The following GRAMD1C variants were observed in gnomAD, a reference collection of about 807,000 sequenced individuals.
GRAMD1C encodes the protein protein Aster-C.
Under a neutral mutation model 97.8 loss-of-function variants are expected in GRAMD1C, and 89 were observed. The ratio of observed to expected loss-of-function variants is 0.91; its 90% CI spans 0.77 to 1.09. GRAMD1C has a LOEUF of 1.09. GRAMD1C is among the 50% of genes least tolerant of loss of function. GRAMD1C has a pLI of 0.00. For missense variants in GRAMD1C, 740 were observed against 766.4 expected (o/e 0.97, Z 0.41); for synonymous variants, 256 against 267.0 (o/e 0.96, Z 0.40).
chr3:113,873,466 A>T (rs921554033), intron 3 of GRAMD1C, among the ~76,000 whole-genome samples: 3 of 152,176 alleles, frequency 2.0e-5, no homozygotes, highest in Admixed American at 6.6e-5. Flanking sequence ...GACGCAACCC[A>T]GAACTATTTA....
At chr3:113,832,624 C>T (rs902477183) in intron 1 of GRAMD1C, among the ~76,000 whole-genome samples, 2 of 151,536 alleles carry the variant, frequency 1.3e-5, no homozygotes, top group East Asian at 1.9e-4. Context: ...CCCTGGAAAC[C>T]ACCATTCTAC....
intron 9 of GRAMD1C, among the ~76,000 whole-genome samples, chr3:113,911,948 T>C (rs6801687): frequency 0.043 from 6,504 of 151,996 alleles, 187 homozygotes; most frequent in South Asian, 0.072. Flanking sequence ...AGGATGGTCT[T>C]GATCTCCTGA....
At chr3:113,894,440 A>G (rs1463956813) in intron 6 of GRAMD1C, among the ~76,000 whole-genome samples, 1 of 151,920 alleles carries the variant, frequency 6.6e-6, no homozygotes, top group Non-Finnish European at 1.5e-5. Context: ...CACCACACCC[A>G]GCTAATTTTT....
At chr3:113,843,120 C>G (rs1238888913) in intron 1 of GRAMD1C, among the ~76,000 whole-genome samples, 2 of 140,454 alleles carry the variant, frequency 1.4e-5, no homozygotes, top group African/African-American at 5.3e-5. Flanking sequence ...TGCCGGCCAG[C>G]CTGGAGTGCT....
intron 10 of GRAMD1C, among the ~76,000 whole-genome samples, chr3:113,918,124 G>A (rs1029024449): frequency 1.3e-5 from 2 of 152,046 alleles, no homozygotes; most frequent in African/African-American, 4.8e-5. Flanking sequence ...CTATTCTCCT[G>A]TGATTATATT....
At chr3:113,832,817 C>T (rs916442380) in intron 1 of GRAMD1C, among the ~76,000 whole-genome samples, 1 of 152,186 alleles carries the variant, frequency 6.6e-6, no homozygotes. Flanking sequence ...TCTTTGCAGA[C>T]TGGCTTTCTG....
intron 10 of GRAMD1C, among the ~76,000 whole-genome samples, chr3:113,929,497 A>T (rs568095589): frequency 1.3e-5 from 2 of 152,336 alleles, no homozygotes; most frequent in African/African-American, 4.8e-5. Context: ...AGTAGTGTGC[A>T]GTTTTAAGAG....
intron 11 of GRAMD1C, among the ~76,000 whole-genome samples, chr3:113,932,327 T>C (rs1279836252): frequency 1.3e-5 from 2 of 152,232 alleles, no homozygotes; most frequent in Admixed American, 6.5e-5. Context: ...AAGTCTGGTA[T>C]TTTGGTATTG....
rs572687244 is a variant in GRAMD1C, at chr3:113,911,776, A to G, written c.952+2656A>G. ...AGAGTCTTGCTCTGTCCCCTGAGCT[A>G]GAGTGCAGTAGCACGATCTCGGCTC... On this transcript the variant is annotated intron_variant, in intron 9 of 17. Transcript: ENST00000358160. Among the ~76,000 whole-genome samples the G allele has an allele frequency of 1.9e-5, 2 of 107,186 alleles. 1 individual carries two copies. The highest frequency in any genetic ancestry group is 6.1e-5 in the African/African-American group (2 of 32,852). The allele number at this position is 107,186 out of a possible 152,430, so 70.3% of individuals were successfully genotyped here. A position where few individuals can be genotyped will look rare whatever the true frequency, so the allele number is the denominator to read the frequency against.
chr3:113,912,101 T>C (rs370613262), intron 9 of GRAMD1C, among the ~76,000 whole-genome samples: 4 of 152,184 alleles, frequency 2.6e-5, no homozygotes, highest in African/African-American at 9.6e-5. Context: ...TTTAACAGAA[T>C]AATTTGCGGC....
chr3:113,885,635 T>C (rs2107408701), intron 6 of GRAMD1C: 2 of 1,495,406 alleles, frequency 1.3e-6, no homozygotes, highest in Admixed American at 1.7e-5. Flanking sequence ...AGAGGCCCCA[T>C]GTGGATTTCT....
chr3:113,907,420 A>G (rs1177457824), intron 8 of GRAMD1C, among the ~76,000 whole-genome samples: 1 of 152,206 alleles, frequency 6.6e-6, no homozygotes, highest in Non-Finnish European at 1.5e-5. Context: ...GGAAGTGAAT[A>G]ACTTAATGCT....
Position 113,907,438 on chromosome 3 carries a change from C to T in GRAMD1C, c.790-1520C>T, listed in dbSNP as rs186853371. On this transcript the variant is annotated intron_variant, in intron 8 of 17. Transcript: ENST00000358160. ...AGTGAATAACTTAATGCTTTAAGAT[C>T]GATCATACATTCATTGGTGTTCAGT... 4.2e-3 allele frequency among the ~76,000 whole-genome samples: 637 copies of T among 152,142 alleles called. 12 individuals carry two copies. The highest frequency in any genetic ancestry group is 0.033 in the South Asian group (160 of 4,824).
At chr3:113,925,626 G>A (rs1217295941) in intron 10 of GRAMD1C, among the ~76,000 whole-genome samples, 1 of 152,170 alleles carries the variant, frequency 6.6e-6, no homozygotes, top group Non-Finnish European at 1.5e-5. Flanking sequence ...TCATTGTGTT[G>A]TTAGCTGGTT....
At chr3:113,838,484 A>G (rs1004340515), upstream of GRAMD1C, 1 of 160,966 alleles carries the variant, frequency 6.2e-6, no homozygotes, top group African/African-American at 2.4e-5. Flanking sequence ...AGGCAGGAGA[A>G]TCGCTTGAAC....
intron 1 of GRAMD1C, among the ~76,000 whole-genome samples, chr3:113,843,283 C>T (rs1933450505): frequency 6.6e-6 from 1 of 151,624 alleles, no homozygotes; most frequent in Admixed American, 6.6e-5. Flanking sequence ...CACTATGTTG[C>T]CCAGGCTGGT....
intron 2 of GRAMD1C, among the ~76,000 whole-genome samples, chr3:113,852,365 T>C (rs185200562): frequency 4.6e-5 from 7 of 152,290 alleles, no homozygotes; most frequent in Non-Finnish European, 8.8e-5. Context: ...TTCTAATTTA[T>C]GTTGGATTAA....
At chr3:113,847,949 A>G (rs947893447) in intron 2 of GRAMD1C, among the ~76,000 whole-genome samples, 6 of 152,272 alleles carry the variant, frequency 3.9e-5, no homozygotes, top group Non-Finnish European at 5.9e-5. Flanking sequence ...TGGAATACCC[A>G]AGGAACCTAG....
In GRAMD1C at chr3:113,884,575, G is replaced by C. The variant is rs545712040; in HGVS notation, c.540+1743G>C. On this transcript the variant is annotated intron_variant, in intron 6 of 17. Coordinates refer to ENST00000358160, the MANE Select transcript of GRAMD1C (RefSeq NM_017577.5). The stretch of plus-strand genomic sequence containing the variant: ...AGGCCGGGCGCGGTGGCTCACACCT[G>C]TAATCCCAGCACTTTGGGAGGCCCA... 1.8e-4 allele frequency among the ~76,000 whole-genome samples: 27 copies of C among 152,294 alleles called. No individual in the cohort carries two copies. The South Asian group carries it at 5.4e-3, about 30-fold the overall frequency.
Sources: allele counts gnomAD v4.1 joint callset (sites outside exome capture counted in the v4.1 genomes callset), GRCh38; gene constraint gnomAD v4.1.1; transcripts MANE v1.5; gene names NCBI Gene and HGNC (gene_info 2026-07-23, HGNC 2026-07-21).